The following TMEM35A variants were observed in gnomAD, a reference collection of about 807,000 sequenced individuals.
TMEM35A encodes the protein nicotinic acetylcholine receptor chaperone.
For synonymous variants in TMEM35A, 50 were observed against 54.7 expected, an observed-to-expected ratio of 0.91 and a Z score of 0.38; for missense variants, 83 against 132.7, an observed-to-expected ratio of 0.63 and a Z score of 1.84.
chrX:101,084,291 G>A (rs1195782516), intron 1 of TMEM35A, among the ~76,000 whole-genome samples: 1 of 108,648 alleles, frequency 9.2e-6, no homozygotes, highest in East Asian at 2.9e-4. Flanking sequence ...AATGATCTAT[G>A]ATTCACACAG....
chrX:101,084,497 A>T (rs1181145092), intron 1 of TMEM35A, among the ~76,000 whole-genome samples: 3 of 111,417 alleles, frequency 2.7e-5, no homozygotes, highest in Non-Finnish European at 5.6e-5. Flanking sequence ...TATATACTGA[A>T]ACATGCACAT....
At chrX:101,091,797 G>C (rs1339558250) in intron 1 of TMEM35A, among the ~76,000 whole-genome samples, 1 of 111,361 alleles carries the variant, frequency 9.0e-6, no homozygotes, top group African/African-American at 3.3e-5. Context: ...GGTGTGTCAG[G>C]GTCTTTGCTC....
chrX:101,095,563 C>T lies in TMEM35A; in HGVS notation c.*607C>T, dbSNP rs1375529958. The T allele has an allele frequency of 1.8e-5, 2 of 109,781 alleles. No homozygotes were observed. The highest frequency in any genetic ancestry group is 6.6e-5 in the African/African-American group (2 of 30,219). 9.0% of individuals were successfully genotyped at this position (109,781 alleles called of 1,213,427 possible). ...AAAAAAAAACATTCAATTTCGGACA[C>T]TGAGTTATATATGAAATTAATTAGG... On this transcript the variant is annotated 3_prime_UTR_variant, in exon 2 of 2. Coordinates refer to ENST00000372930, the MANE Select transcript of TMEM35A (RefSeq NM_021637.3).
chrX:101,091,603 C>T (rs2089324562), intron 1 of TMEM35A, among the ~76,000 whole-genome samples: 1 of 112,383 alleles, frequency 8.9e-6, no homozygotes, highest in African/African-American at 3.2e-5. Flanking sequence ...CCATGCCCGG[C>T]CTATTTCCAG....
chrX:101,085,332 C>T (rs760081046), intron 1 of TMEM35A, among the ~76,000 whole-genome samples: 168 of 111,882 alleles, frequency 1.5e-3, no homozygotes, highest in Middle Eastern at 4.6e-3. Flanking sequence ...TGGGCGCGGT[C>T]GCTCACGCCT....
At chrX:101,091,301 TC>T (rs2089323535) in intron 1 of TMEM35A, among the ~76,000 whole-genome samples, 1 of 76,251 alleles carries the variant, frequency 1.3e-5, no homozygotes, top group Middle Eastern at 7.8e-3. Context: ...TCTCTCTCTC[TC>T]TTTTTTTTTT....
chrX:101,081,961 T>G (rs1410120629), intron 1 of TMEM35A: 1 of 110,635 alleles, frequency 9.0e-6, no homozygotes, highest in Non-Finnish European at 1.9e-5. Flanking sequence ...AACTGTTGGT[T>G]TTTATGGATG....
chrX:101,084,665 G>T (rs2089301901), intron 1 of TMEM35A, among the ~76,000 whole-genome samples: 1 of 110,808 alleles, frequency 9.0e-6, no homozygotes, highest in African/African-American at 3.3e-5. Flanking sequence ...AGGAGTTCGA[G>T]ACCAGCCTGG....
Position 101,079,109 on chromosome X carries a change from C to T in TMEM35A, c.107C>T (p.Ala36Val). Residue 36 changes from alanine (A) to valine (V), a missense_variant, in exon 1 of 2, where the codon GCC (alanine) becomes GTC (valine). By Grantham distance (64) the Ala-to-Val change is moderately conservative. Coordinates refer to ENST00000372930, the MANE Select transcript of TMEM35A (RefSeq NM_021637.3). ...CTGACCCCCAGGCTCAGCAAGGATG[C>T]CTACAGTGAGATGGTAAGTGAAGCA... ...IKLTPRLSKD[A>V]YSEMKRAYKS... is the part of the protein sequence containing the mutation. The T allele has an allele frequency of 8.3e-7, 1 of 1,210,947 alleles. No homozygotes were observed. The highest frequency in any genetic ancestry group is 1.1e-6 in the Non-Finnish European group (1 of 895,171).
Position 101,079,086 on chromosome X carries a change from G to C in TMEM35A, c.84G>C (p.Leu28=). 8.3e-7 allele frequency: 1 copy of C among 1,211,282 alleles called. No individual in the cohort carries two copies. The highest frequency in any genetic ancestry group is 1.1e-6 in the Non-Finnish European group (1 of 895,345). ...TTGTTTTCATGGGGACTATCAAGCTGACCCCCAGGCTCAGCAAGGATGCCT... is the reference window on the plus strand; with the variant it reads ...TTGTTTTCATGGGGACTATCAAGCTCACCCCCAGGCTCAGCAAGGATGCCT... ...LFFVFMGTIK[L]TPRLSKDAYS... The change falls in exon 1 of 2, where the codon CTG becomes CTC. Residue 28 remains leucine, a synonymous_variant. Transcript: ENST00000372930.
chrX:101,094,803 T>C lies in TMEM35A; in HGVS notation c.351T>C (p.His117=), dbSNP rs764892375. ...LVGDPLKRYA[H]ALVFGILLTC... ...GTGATCCTCTCAAACGCTACGCCCA[T>C]GCTCTGGTGTTTGGAATCCTGCTCA... Residue 117 remains histidine (H), a synonymous_variant, in exon 2 of 2, where the codon CAT becomes CAC. Coordinates refer to ENST00000372930, the MANE Select transcript of TMEM35A (RefSeq NM_021637.3). 9 of 1,209,190 alleles carry C rather than the reference T, an allele frequency of 7.4e-6. No individual in the cohort carries two copies. The South Asian group carries it at 1.2e-4, about 17-fold the overall frequency.
chrX:101,094,798 G>A lies in TMEM35A; in HGVS notation c.346G>A (p.Ala116Thr). ...QLVGDPLKRYAHALVFGILLT... is the reference protein window; with the variant it reads ...QLVGDPLKRYTHALVFGILLT... ...GGTCGGTGATCCTCTCAAACGCTAC[G>A]CCCATGCTCTGGTGTTTGGAATCCT... Residue 116 changes from alanine to threonine, a missense_variant, in exon 2 of 2, where the codon GCC becomes ACC. By Grantham distance (58) the Ala-to-Thr change is moderately conservative. Transcript: ENST00000372930. 8.3e-7 allele frequency: 1 copy of A among 1,211,064 alleles called. No homozygotes were observed. Among genetic ancestry groups the A allele is most frequent in the Non-Finnish European group, 1.1e-6 (1 of 895,461 alleles).
chrX:101,081,419 T>G, intron 1 of TMEM35A: 1 of 112,463 alleles, frequency 8.9e-6, no homozygotes, highest in Admixed American at 9.4e-5. Flanking sequence ...ACAGAGAAGG[T>G]GCTCAATATG....
intron 1 of TMEM35A, among the ~76,000 whole-genome samples, chrX:101,092,134 T>A (rs1336480030): frequency 1.8e-5 from 2 of 110,147 alleles, no homozygotes; most frequent in East Asian, 5.7e-4. Context: ...TCCAGAACAG[T>A]GCCTAGCACA....
chrX:101,087,699 G>A (rs1479653006), intron 1 of TMEM35A, among the ~76,000 whole-genome samples: 1 of 111,783 alleles, frequency 8.9e-6, no homozygotes, highest in Non-Finnish European at 1.9e-5. Context: ...AGTCAAAAAA[G>A]AAGTGTTTCC....
chrX:101,094,137 A>G (rs1291173344), intron 1 of TMEM35A, among the ~76,000 whole-genome samples: 1 of 108,290 alleles, frequency 9.2e-6, no homozygotes, highest in Non-Finnish European at 1.9e-5. Context: ...TTTTTTTTTG[A>G]TGGAGTCTCA....
At chrX:101,086,051 G>T (rs1046121342) in intron 1 of TMEM35A, among the ~76,000 whole-genome samples, 1 of 112,344 alleles carries the variant, frequency 8.9e-6, no homozygotes, top group African/African-American at 3.2e-5. Flanking sequence ...GGATCTGCTT[G>T]ATTCATCAAT....
chrX:101,091,243 T>C (rs1245551093), intron 1 of TMEM35A, among the ~76,000 whole-genome samples: 1 of 109,919 alleles, frequency 9.1e-6, no homozygotes, highest in African/African-American at 3.3e-5. Context: ...TTTCCAGGCA[T>C]ACTTCCCCCA....
Position 101,095,221 on chromosome X carries a change from T to C in TMEM35A, c.*265T>C, listed in dbSNP as rs917515222. On this transcript the variant is annotated 3_prime_UTR_variant, in exon 2 of 2. Transcript: ENST00000372930. ...GTATACGGCTACTATTGAAGTGTAA[T>C]TGTGAGATGGACTCCAACAAGCATG... 5 of 311,531 alleles carry C rather than the reference T, an allele frequency of 1.6e-5. No individual in the cohort carries two copies. The highest frequency in any genetic ancestry group is 2.8e-5 in the Non-Finnish European group (5 of 181,393). 25.7% of individuals were successfully genotyped at this position (311,531 alleles called of 1,213,427 possible).
Sources: gnomAD v4.1 joint callset for allele counts (sites outside exome capture counted in the v4.1 genomes callset) on GRCh38, gnomAD v4.1.1 for gene constraint, MANE v1.5 for transcripts, NCBI Gene and HGNC (gene_info 2026-07-23, HGNC 2026-07-21) for gene names.